Variants in NBAS observed in about 807,000 individuals in gnomAD.
The protein encoded by NBAS is NAG/BC035112 fusion.
NBAS carries 219 observed loss-of-function variants against 302.5 expected under a neutral mutation model. The observed-to-expected ratio is 0.72, with a 90% CI of 0.65 to 0.81. NBAS has a LOEUF of 0.81. NBAS is among the 30% of genes least tolerant of loss of function. The probability of loss-of-function intolerance (pLI) is 0.00; values close to 1 mark genes in which losing one functional copy is unlikely to be tolerated. For synonymous variants in NBAS, 1,118 were observed against 1,021.6 expected (o/e 1.09, Z -1.80); for missense variants, 2,932 against 2,841.6 (o/e 1.03, Z -0.72).
At chr2:14,861,943 C>G in the NBAS span, among the ~76,000 whole-genome samples, 2 of 152,148 alleles carry the variant, frequency 1.3e-5, no homozygotes, top group South Asian at 2.1e-4. Context: ...CCATTTCTAA[C>G]CCATCAGGAA....
At chr2:15,071,161 A>T in the NBAS span, among the ~76,000 whole-genome samples, 1,017 of 152,312 alleles carry the variant, frequency 6.7e-3, 4 homozygotes, top group Non-Finnish European at 0.01. Flanking sequence ...GAAACAAGAG[A>T]CCTATGCTCG....
At chr2:15,166,625 T>C (rs1188414747), downstream of NBAS, among the ~76,000 whole-genome samples, 3 of 152,162 alleles carry the variant, frequency 2.0e-5, no homozygotes. Flanking sequence ...CGAGGTCATT[T>C]AACTAATCTG....
chr2:14,896,617 A>T, the NBAS span, among the ~76,000 whole-genome samples: 1 of 151,994 alleles, frequency 6.6e-6, no homozygotes, highest in African/African-American at 2.4e-5. Context: ...TGTTGTAATC[A>T]TAGCCCTGCA....
chr2:15,460,913 A>G (rs1483713945), intron 21 of NBAS, among the ~76,000 whole-genome samples: 1 of 152,184 alleles, frequency 6.6e-6, no homozygotes, highest in Admixed American at 6.5e-5. Flanking sequence ...GACATACATT[A>G]TCCTAAAAAC....
chr2:15,112,816 G>T, the NBAS span, among the ~76,000 whole-genome samples: 1 of 151,370 alleles, frequency 6.6e-6, no homozygotes, highest in South Asian at 2.1e-4. Context: ...ATAACTCAAA[G>T]AATATCATTC....
At chr2:14,947,256 T>C in the NBAS span, among the ~76,000 whole-genome samples, 2 of 151,688 alleles carry the variant, frequency 1.3e-5, no homozygotes, top group Non-Finnish European at 2.9e-5. Flanking sequence ...ATAAACAAAA[T>C]TGACAAAGCT....
the NBAS span, among the ~76,000 whole-genome samples, chr2:15,093,940 C>T: frequency 2.6e-5 from 4 of 152,270 alleles, no homozygotes; most frequent in African/African-American, 7.2e-5. Context: ...TAATACTTCA[C>T]AGATGTAAAG....
At chr2:14,897,198 A>C in the NBAS span, among the ~76,000 whole-genome samples, 1 of 152,152 alleles carries the variant, frequency 6.6e-6, no homozygotes, top group South Asian at 2.1e-4. Flanking sequence ...TTCCTGCTTC[A>C]GTATTTTCAC....
the NBAS span, among the ~76,000 whole-genome samples, chr2:14,937,549 C>A: frequency 6.6e-6 from 1 of 152,106 alleles, no homozygotes; most frequent in Non-Finnish European, 1.5e-5. Context: ...GAGTCTTATG[C>A]CCTGGAGTAA....
chr2:15,321,762 GA>G (rs1188714562), intron 38 of NBAS, among the ~76,000 whole-genome samples: 1 of 152,186 alleles, frequency 6.6e-6, no homozygotes, highest in Non-Finnish European at 1.5e-5. Context: ...AGGATGTGGA[GA>G]AACAGGAACA....
At chr2:15,106,097 C>T in the NBAS span, among the ~76,000 whole-genome samples, 8 of 152,048 alleles carry the variant, frequency 5.3e-5, no homozygotes, top group Non-Finnish European at 1.2e-4. Flanking sequence ...AGAGTTGGCC[C>T]AATGCACAAA....
chr2:14,956,564 C>T, the NBAS span, among the ~76,000 whole-genome samples: 1 of 152,198 alleles, frequency 6.6e-6, no homozygotes, highest in East Asian at 1.9e-4. Context: ...GTTTAATTGA[C>T]TCTCAGTTCT....
rs750181083 is a variant in NBAS at position 15,467,424 on chromosome 2, T to C, written c.2019-17A>G. ...AGTGTCAACCTGTTTTGAATAACTATGTTAGGCCACTTATATTTACACAGA... is the reference window on the plus strand; with the variant it reads ...AGTGTCAACCTGTTTTGAATAACTACGTTAGGCCACTTATATTTACACAGA... On this transcript the variant is annotated splice_polypyrimidine_tract_variant and intron_variant, in intron 18 of 51. Coordinates refer to ENST00000281513, the MANE Select transcript of NBAS (RefSeq NM_015909.4). The C allele has an allele frequency of 3.2e-6, 5 of 1,585,768 alleles. No homozygotes were observed. Among genetic ancestry groups the C allele is most frequent in the African/African-American group, 2.7e-5 (2 of 74,378 alleles).
chr2:14,839,178 G>C, the NBAS span, among the ~76,000 whole-genome samples: 1 of 147,214 alleles, frequency 6.8e-6, no homozygotes, highest in South Asian at 2.2e-4. Flanking sequence ...ACAGTTCCTG[G>C]GGCCACAGAG....
At chr2:15,022,303 T>C in the NBAS span, among the ~76,000 whole-genome samples, 2 of 152,172 alleles carry the variant, frequency 1.3e-5, no homozygotes, top group African/African-American at 4.8e-5. Context: ...GTCTTTCTCT[T>C]CCTCTCAATG....
intron 9 of NBAS, among the ~76,000 whole-genome samples, chr2:15,533,193 C>G (rs1370631716): frequency 6.6e-6 from 1 of 152,042 alleles, no homozygotes; most frequent in Non-Finnish European, 1.5e-5. Flanking sequence ...GGCACAAATA[C>G]TCTGGAAAAC....
At chr2:15,050,481 C>T in the NBAS span, among the ~76,000 whole-genome samples, 1 of 152,150 alleles carries the variant, frequency 6.6e-6, no homozygotes, top group Non-Finnish European at 1.5e-5. Context: ...CACCATTAAG[C>T]ACAGCAATTC....
chr2:15,164,697 A>T (rs1191871931), downstream of NBAS, among the ~76,000 whole-genome samples: 2 of 152,346 alleles, frequency 1.3e-5, no homozygotes, highest in East Asian at 1.9e-4. Flanking sequence ...ACAACATATC[A>T]TCTTACTCCT....
chr2:15,173,374 A>G (rs931138504), intron 51 of NBAS, among the ~76,000 whole-genome samples: 2 of 152,218 alleles, frequency 1.3e-5, no homozygotes, highest in Admixed American at 6.5e-5. Flanking sequence ...GAAATTCCAG[A>G]AGCATAATGC....
Sources: gnomAD v4.1 joint callset for allele counts (sites outside exome capture counted in the v4.1 genomes callset) on GRCh38, gnomAD v4.1.1 for gene constraint, MANE v1.5 for transcripts, NCBI Gene and HGNC (gene_info 2026-07-23, HGNC 2026-07-21) for gene names.